The following ABCB10 variants were observed in gnomAD, a reference collection of about 807,000 sequenced individuals.
ABCB10 encodes ATP-binding cassette sub-family B member 10, mitochondrial.
A neutral mutation model predicts 65.4 loss-of-function variants in ABCB10; 54 were observed. The ratio of observed to expected loss-of-function variants is 0.83; its 90% CI spans 0.66 to 1.04. The LOEUF (loss-of-function observed/expected upper bound fraction) is 1.04, where lower values mean the gene tolerates loss of function less well. Ranked by LOEUF, ABCB10 falls within the 50% of genes least tolerant of loss-of-function variation. ABCB10 has a pLI of 0.00. For missense variants in ABCB10, 846 were observed against 976.6 expected, an observed-to-expected ratio of 0.87 and a Z score of 1.78; for synonymous variants, 418 against 406.5, an observed-to-expected ratio of 1.03 and a Z score of -0.34.
Position 229,558,191 on chromosome 1 carries a change from G to C in ABCB10, c.462C>G (p.Leu154=). 2 of 1,429,216 alleles carry C rather than the reference G, an allele frequency of 1.4e-6. No individual in the cohort carries two copies. Among genetic ancestry groups the C allele is most frequent in the Non-Finnish European group, 1.8e-6 (2 of 1,094,086 alleles). 88.5% of individuals were successfully genotyped at this position (1,429,216 alleles called of 1,614,324 possible). Residue 154 remains leucine (L), a synonymous_variant, in exon 1 of 13, where the codon CTC becomes CTG. Coordinates refer to ENST00000344517, the MANE Select transcript of ABCB10 (RefSeq NM_012089.3). ...KGRLRPAAAG[L]PEARKLLGLA... ...GCCCCAGGAGCTTCCGGGCCTCCGG[G>C]AGTCCGGCCGCTGCGGGGCGCAGCC...
intron 4 of ABCB10, among the ~76,000 whole-genome samples, chr1:229,541,802 T>C (rs1473199798): frequency 2.6e-5 from 4 of 151,880 alleles, no homozygotes; most frequent in Admixed American, 2.0e-4. Context: ...TTAGTGGGCA[T>C]GGTGGCATGG....
Position 229,558,124 on chromosome 1 carries a change from G to C in ABCB10, c.517+12C>G. ...AGGCCCGGCGGAGGGAAGTGGCCGG[G>C]GAGGACCCTACCTGCCAGCCTCCGG... On this transcript the variant is annotated intron_variant, in intron 1 of 12. Coordinates refer to ENST00000344517, the MANE Select transcript of ABCB10 (RefSeq NM_012089.3). 12 of 1,380,306 alleles carry C rather than the reference G, an allele frequency of 8.7e-6. No individual in the cohort carries two copies. Among genetic ancestry groups the C allele is most frequent in the Non-Finnish European group, 1.1e-5 (12 of 1,069,472 alleles). The allele number at this position is 1,380,306 out of a possible 1,614,324, so 85.5% of individuals were successfully genotyped here.
At chr1:229,543,221 GC>G (rs1662893981) in intron 3 of ABCB10, among the ~76,000 whole-genome samples, 1 of 152,030 alleles carries the variant, frequency 6.6e-6, no homozygotes, top group Admixed American at 6.6e-5. Context: ...AATTAGAGCT[GC>G]TTTTATGGCT....
intron 1 of ABCB10, among the ~76,000 whole-genome samples, chr1:229,554,032 G>A (rs781008065): frequency 6.6e-6 from 1 of 152,210 alleles, no homozygotes; most frequent in East Asian, 1.9e-4. Context: ...TCGCACTGCA[G>A]TCTCTCTCAC....
chr1:229,536,955 GAA>G (rs1199381373), intron 6 of ABCB10, among the ~76,000 whole-genome samples: 1 of 109,644 alleles, frequency 9.1e-6, no homozygotes, highest in Non-Finnish European at 2.0e-5. Context: ...AAAAAGAAAA[GAA>G]AAAAAAAAAA....
chr1:229,558,307 C>A lies in ABCB10; in HGVS notation c.346G>T (p.Ala116Ser), dbSNP rs1035283072. Residue 116 changes from alanine (A) to serine (S), a missense_variant, in exon 1 of 13, where the codon GCC becomes TCC. Coordinates refer to ENST00000344517, the MANE Select transcript of ABCB10 (RefSeq NM_012089.3). ...AGPGAPRLPR[A>S]RFPGGPAAAA... ...GCTGCGGGACCGCCCGGGAACCGGG[C>A]GCGCGGGAGCCGAGGAGCGCCTGGC... is the stretch of plus-strand genomic sequence containing the variant. 4 of 1,233,550 alleles carry A rather than the reference C, an allele frequency of 3.2e-6. No individual in the cohort carries two copies. Among genetic ancestry groups the A allele is most frequent in the Admixed American group, 3.9e-5 (1 of 25,338 alleles). 76.4% of individuals were successfully genotyped at this position (1,233,550 alleles called of 1,614,324 possible). A position where few individuals can be genotyped will look rare whatever the true frequency, so the allele number is the denominator to read the frequency against.
In ABCB10 at chr1:229,544,151, C is replaced by T. The variant is rs772148910; in HGVS notation, c.922-1780G>A. Among the ~76,000 whole-genome samples the T allele has an allele frequency of 3.9e-5, 6 of 152,160 alleles. No individual in the cohort carries two copies. In the South Asian group the frequency reaches 1.0e-3, roughly 26 times the overall value. ...GAAATGGGCTAGGCATAGTGGCTCACGTCTGTAATCCTAGCATTTCGGGAG... is the reference window on the plus strand; with the variant it reads ...GAAATGGGCTAGGCATAGTGGCTCATGTCTGTAATCCTAGCATTTCGGGAG... On this transcript the variant is annotated intron_variant, in intron 3 of 12. Transcript: ENST00000344517.
intron 10 of ABCB10, among the ~76,000 whole-genome samples, chr1:229,523,458 A>C (rs1339123585): frequency 6.6e-6 from 1 of 152,196 alleles, no homozygotes; most frequent in African/African-American, 2.4e-5. Flanking sequence ...TTCATCCTCT[A>C]CATCTGAGGT....
intron 3 of ABCB10, among the ~76,000 whole-genome samples, chr1:229,543,637 A>G (rs1662902537): frequency 6.6e-6 from 1 of 152,120 alleles, no homozygotes; most frequent in Admixed American, 6.5e-5. Context: ...CATGCAAGAA[A>G]GAAGAGGTGA....
chr1:229,554,967 C>G (rs1173984608), intron 1 of ABCB10, among the ~76,000 whole-genome samples: 1 of 152,202 alleles, frequency 6.6e-6, no homozygotes, highest in Admixed American at 6.5e-5. Flanking sequence ...TTCAGGTTCT[C>G]AGAGCAGTCC....
In ABCB10 at chr1:229,558,514, T is replaced by C; in HGVS notation, c.139A>G (p.Arg47Gly). The C allele has an allele frequency of 2.1e-6, 3 of 1,409,450 alleles. No individual in the cohort carries two copies. Among genetic ancestry groups the C allele is most frequent in the South Asian group, 2.8e-5 (2 of 72,356 alleles). The allele number at this position is 1,409,450 out of a possible 1,614,324, so 87.3% of individuals were successfully genotyped here. A position where few individuals can be genotyped will look rare whatever the true frequency, so the allele number is the denominator to read the frequency against. The change falls in exon 1 of 13, where the codon AGG becomes GGG. Residue 47 changes from arginine (R) to glycine (G), a missense_variant. Physicochemically the swap from Arg to Gly is moderately radical, Grantham distance 125. This residue lies in a region of ABCB10 where 214 missense variants were observed against 173.5 expected (regional missense o/e 1.23). Transcript: ENST00000344517. ...CCCGCGCCCCATAGCCGCGCCGGCC[T>C]CAGGCCAGTGAACGGCGATAGGGAC... ...PGSLSPFTGL[R>G]PARLWGAGPA...
Position 229,540,597 on chromosome 1 carries a change from T to C in ABCB10, c.1203+9A>G, listed in dbSNP as rs1662820016. 15 of 1,607,446 alleles carry C rather than the reference T, an allele frequency of 9.3e-6. No individual in the cohort carries two copies. Among genetic ancestry groups the C allele is most frequent in the East Asian group, 6.7e-5 (3 of 44,672 alleles). On this transcript the variant is annotated intron_variant, in intron 5 of 12. Transcript: ENST00000344517. ...GCCAATTTTACTTTTTCCAAAGTGA[T>C]CTACTTACTGCTCCAAAGAAACCAG...
At chr1:229,523,094 A>C (rs1247907409) in intron 10 of ABCB10, among the ~76,000 whole-genome samples, 1 of 152,190 alleles carries the variant, frequency 6.6e-6, no homozygotes, top group African/African-American at 2.4e-5. Flanking sequence ...TATGTATGAC[A>C]CTGAAAATTA....
intron 1 of ABCB10, among the ~76,000 whole-genome samples, chr1:229,551,365 C>T (rs908012066): frequency 6.6e-6 from 1 of 152,190 alleles, no homozygotes; most frequent in African/African-American, 2.4e-5. Context: ...AAATGTTTCA[C>T]TTGTTTATTT....
rs2102715621 is a variant in ABCB10, at chr1:229,557,992, C to G, written c.517+144G>C. The G allele has an allele frequency of 4.4e-6, 4 of 905,442 alleles. No homozygotes were observed. The East Asian group carries it at 1.4e-4, about 32-fold the overall frequency. 56.1% of individuals were successfully genotyped at this position (905,442 alleles called of 1,614,324 possible). On this transcript the variant is annotated intron_variant, in intron 1 of 12. Transcript: ENST00000344517. ...GCTACTCTGAGGTGAGCGATCCCCTCCCTCCTCCGGGGTTAGGAGTGGCCC... is the reference window on the plus strand; with the variant it reads ...GCTACTCTGAGGTGAGCGATCCCCTGCCTCCTCCGGGGTTAGGAGTGGCCC...
rs756564426 is a variant in ABCB10 at position 229,547,535 on chromosome 1, C to T, written c.885G>A (p.Arg295=). The part of the protein sequence containing the change: ...SVTENLSDGL[R]AGAQASVGIS... ...TGCCTACGGAAGCCTGGGCCCCGGC[C>T]CTGAGCCCATCTGAGAGGTTTTCAG... Residue 295 remains arginine, a synonymous_variant, in exon 3 of 13, where the codon AGG becomes AGA. Coordinates refer to ENST00000344517, the MANE Select transcript of ABCB10 (RefSeq NM_012089.3). 3 of 1,613,494 alleles carry T rather than the reference C, an allele frequency of 1.9e-6. No individual in the cohort carries two copies. The highest frequency in any genetic ancestry group is 2.7e-5 in the African/African-American group (2 of 74,898).
Position 229,549,379 on chromosome 1 carries a change from G to A in ABCB10, c.573C>T (p.Phe191=). The change falls in exon 2 of 13, where the codon TTC becomes TTT. Residue 191 remains phenylalanine, a synonymous_variant. Coordinates refer to ENST00000344517, the MANE Select transcript of ABCB10 (RefSeq NM_012089.3). The part of the protein sequence containing the change: ...SSVISMSAPF[F]LGKIIDVIYT... ...AGATGACATCAATGATCTTCCCCAG[G>A]AAGAAAGGGGCAGACATGGAGATAA... is the stretch of plus-strand genomic sequence containing the variant. The A allele has an allele frequency of 6.2e-7, 1 of 1,614,164 alleles. No homozygotes were observed.
At chr1:229,552,762 T>C (rs1663147446) in intron 1 of ABCB10, among the ~76,000 whole-genome samples, 1 of 152,216 alleles carries the variant, frequency 6.6e-6, no homozygotes, top group Non-Finnish European at 1.5e-5. Context: ...ATCCATCATC[T>C]TAAATCCTCC....
chr1:229,540,898 A>G, intron 4 of ABCB10, 146 bp from the exon 5 acceptor site: 1 of 928,446 alleles, frequency 1.1e-6, no homozygotes, highest in South Asian at 1.9e-5. Flanking sequence ...AGAACTCCAC[A>G]AAAGACACTA....
Sources: allele counts gnomAD v4.1 joint callset (sites outside exome capture counted in the v4.1 genomes callset), GRCh38; gene constraint gnomAD v4.1.1; regional missense constraint gnomAD v4.1.1; transcripts MANE v1.5; gene names NCBI Gene and HGNC (gene_info 2026-07-23, HGNC 2026-07-21).